GAREM1: variants seen among roughly 807,000 people sequenced by gnomAD.
GAREM1 encodes the protein GRB2 associated regulator of MAPK1 subtype 1, also known as GRB2-associated and regulator of MAPK protein 1.
GAREM1 carries 26 observed loss-of-function variants against 71.3 expected under a neutral mutation model. The ratio of observed to expected loss-of-function variants is 0.36; its 90% CI spans 0.27 to 0.51. The LOEUF (loss-of-function observed/expected upper bound fraction) is 0.51, where lower values mean the gene tolerates loss of function less well. Among genes scored for constraint, GAREM1 ranks in the 20% least tolerant of loss-of-function variants. The pLI is 0.95. For synonymous variants in GAREM1, 440 were observed against 433.2 expected (o/e 1.02, Z -0.20); for missense variants, 1,026 against 1,103.1 (o/e 0.93, Z 0.99).
intron 2 of GAREM1, among the ~76,000 whole-genome samples, chr18:32,319,921 C>A (rs540623822): frequency 2.5e-4 from 38 of 152,178 alleles, no homozygotes; most frequent in Non-Finnish European, 4.3e-4. Flanking sequence ...TTGATAGACA[C>A]CCACATTTAT....
Position 32,301,568 on chromosome 18 carries a change from C to A in GAREM1, c.393+8625G>T, listed in dbSNP as rs1034068506. ...AACTTTTGGACTTTCAGAGCTAATG[C>A]GAACCAACCAATTAGAACTCACCAG... On this transcript the variant is annotated intron_variant, in intron 3 of 5. Transcript: ENST00000269209. Among the ~76,000 whole-genome samples the A allele has an allele frequency of 3.3e-5, 5 of 152,274 alleles. No homozygotes were observed. In the East Asian group the frequency reaches 5.8e-4, roughly 18 times the overall value.
chr18:32,405,929 T>A (rs1365711031), intron 1 of GAREM1, among the ~76,000 whole-genome samples: 1 of 152,240 alleles, frequency 6.6e-6, no homozygotes, highest in African/African-American at 2.4e-5. Context: ...GTTGTAGTTT[T>A]CTTTTTTTGT....
intron 1 of GAREM1, among the ~76,000 whole-genome samples, chr18:32,419,378 G>A (rs1032148694): frequency 1.3e-5 from 2 of 152,142 alleles, no homozygotes; most frequent in African/African-American, 4.8e-5. Context: ...GTATAAGGAA[G>A]TGGGGCATCT....
At position 32,470,516 on chromosome 18, in the gene GAREM1, G is replaced by C. The variant is rs552747967; in HGVS notation, c.-88C>G. 1 of 992,246 alleles carries C rather than the reference G, an allele frequency of 1.0e-6. No homozygotes were observed. Among genetic ancestry groups the C allele is most frequent in the East Asian group, 7.3e-5 (1 of 13,734 alleles). The allele number at this position is 992,246 out of a possible 1,614,324, so 61.5% of individuals were successfully genotyped here. A position where few individuals can be genotyped will look rare whatever the true frequency, so the allele number is the denominator to read the frequency against. On this transcript the variant is annotated 5_prime_UTR_variant, in exon 1 of 6. Transcript: ENST00000269209. The surrounding 1 kb of genome is among the most constrained non-coding windows in gnomAD (Gnocchi z 4.4). ...GCGGCCGCCGCTGCTCGCGCTCGCG[G>C]TCTGGGGCGCGCGGGAGGCGCCGGG...
At chr18:32,343,366 G>C (rs538099430) in intron 2 of GAREM1, among the ~76,000 whole-genome samples, 54 of 149,124 alleles carry the variant, frequency 3.6e-4, no homozygotes, top group African/African-American at 1.3e-3. Flanking sequence ...CCAGGTTGGG[G>C]TGCAGTGGCG....
rs1445320179 is a variant in GAREM1 at position 32,263,946 on chromosome 18, A to G, written c.*3925T>C. 6.6e-6 allele frequency: 1 copy of G among 152,232 alleles called. No individual in the cohort carries two copies. The highest frequency in any genetic ancestry group is 2.4e-5 in the African/African-American group (1 of 41,462). The allele number at this position is 152,232 out of a possible 1,614,324, so 9.4% of individuals were successfully genotyped here. Reference sequence around the variant, plus strand: ...TTACAAAATTTATAGCCTAAAAATTAGAGCAGCAAAATTACAGAAGATATT... The same window carrying G: ...TTACAAAATTTATAGCCTAAAAATTGGAGCAGCAAAATTACAGAAGATATT... On this transcript the variant is annotated 3_prime_UTR_variant, in exon 6 of 6. Coordinates refer to ENST00000269209, the MANE Select transcript of GAREM1 (RefSeq NM_001242409.2).
At chr18:32,464,598 C>T (rs997392881) in intron 1 of GAREM1, among the ~76,000 whole-genome samples, 2 of 152,178 alleles carry the variant, frequency 1.3e-5, no homozygotes, top group African/African-American at 4.8e-5. Context: ...GACCTTTCGC[C>T]ACCTTTCTAT....
chr18:32,434,075 CA>C (rs2048651766), intron 1 of GAREM1, among the ~76,000 whole-genome samples: 1 of 151,966 alleles, frequency 6.6e-6, no homozygotes, highest in African/African-American at 2.4e-5. Context: ...GAGAGAGACA[CA>C]GATCAACACA....
chr18:32,455,696 A>G (rs1382380856), intron 1 of GAREM1, among the ~76,000 whole-genome samples: 1 of 152,204 alleles, frequency 6.6e-6, no homozygotes, highest in African/African-American at 2.4e-5. Context: ...CTTTAGAAAA[A>G]CACATATCAG....
intron 4 of GAREM1, 131 bp downstream of exon 4, chr18:32,286,898 ATC>A (rs1441702603): frequency 4.5e-6 from 3 of 661,924 alleles, no homozygotes; most frequent in Non-Finnish European, 2.7e-6. Context: ...TAGCATGTGT[ATC>A]TCACTCCAAA....
At chr18:32,441,626 C>T (rs1024900429) in intron 1 of GAREM1, among the ~76,000 whole-genome samples, 2 of 152,172 alleles carry the variant, frequency 1.3e-5, no homozygotes, top group Non-Finnish European at 2.9e-5. Flanking sequence ...GAAGCCTTCT[C>T]TTATACCCAG....
At chr18:32,270,090 A>C in intron 5 of GAREM1, 127 bp downstream of exon 5, 1 of 1,007,684 alleles carries the variant, frequency 9.9e-7, no homozygotes, top group Non-Finnish European at 1.5e-6. Flanking sequence ...AATTATTTAG[A>C]AAATTAAAAA....
At chr18:32,375,713 T>C (rs1248213774) in intron 2 of GAREM1, among the ~76,000 whole-genome samples, 3 of 152,194 alleles carry the variant, frequency 2.0e-5, no homozygotes, top group East Asian at 3.8e-4. Context: ...GATTCCAATA[T>C]TGAATAAATT....
At chr18:32,331,941 C>T (rs570869577) in intron 2 of GAREM1, among the ~76,000 whole-genome samples, 1 of 151,774 alleles carries the variant, frequency 6.6e-6, no homozygotes, top group South Asian at 2.1e-4. Context: ...GCTGGTGACC[C>T]AGGGGACGGG....
chr18:32,298,062 C>T (rs1469148171), intron 3 of GAREM1, among the ~76,000 whole-genome samples: 1 of 152,182 alleles, frequency 6.6e-6, no homozygotes, highest in Non-Finnish European at 1.5e-5. Context: ...TTAAACAGAT[C>T]AAAGTTCTCC....
Position 32,343,639 on chromosome 18 carries a change from A to G in GAREM1, c.263-33316T>C, listed in dbSNP as rs150677088. On this transcript the variant is annotated intron_variant, in intron 2 of 5. Coordinates refer to ENST00000269209, the MANE Select transcript of GAREM1 (RefSeq NM_001242409.2). ...TTTTAAACCAAGCTAGTTCAAAGAAAATGAAACAAAATGTGTACTTCATAT... is the reference window on the plus strand; with the variant it reads ...TTTTAAACCAAGCTAGTTCAAAGAAGATGAAACAAAATGTGTACTTCATAT... Among the ~76,000 whole-genome samples, 72 of 152,308 alleles carry G rather than the reference A, an allele frequency of 4.7e-4. No individual in the cohort carries two copies. In the East Asian group the frequency reaches 5.4e-3, roughly 11 times the overall value.
At chr18:32,368,568 C>A (rs758115469) in intron 2 of GAREM1, among the ~76,000 whole-genome samples, 2 of 152,104 alleles carry the variant, frequency 1.3e-5, no homozygotes, top group African/African-American at 2.4e-5. Flanking sequence ...TGCTCAACTG[C>A]CTTATTTATA....
At chr18:32,432,880 C>T (rs894628541) in intron 1 of GAREM1, among the ~76,000 whole-genome samples, 2 of 152,000 alleles carry the variant, frequency 1.3e-5, no homozygotes, top group African/African-American at 2.4e-5. Flanking sequence ...AGAAATAACA[C>T]CAATTCCACA....
intron 2 of GAREM1, among the ~76,000 whole-genome samples, chr18:32,311,135 T>C (rs2047317512): frequency 6.6e-6 from 1 of 152,248 alleles, no homozygotes; most frequent in Non-Finnish European, 1.5e-5. Flanking sequence ...TGTTTACATT[T>C]TCAGTATCTG....
Sources: allele counts gnomAD v4.1 joint callset (sites outside exome capture counted in the v4.1 genomes callset), GRCh38; gene constraint gnomAD v4.1.1; non-coding constraint Gnocchi (gnomAD v3.1); transcripts MANE v1.5; gene names NCBI Gene and HGNC (gene_info 2026-07-23, HGNC 2026-07-21).